Variants in USP6NL observed in about 807,000 individuals in gnomAD.
USP6NL encodes USP6 N-terminal like.
A neutral mutation model predicts 61.9 loss-of-function variants in USP6NL; 26 were observed. The ratio of observed to expected loss-of-function variants is 0.42; its 90% CI spans 0.31 to 0.58. USP6NL has a LOEUF of 0.58. USP6NL is among the 20% of genes least tolerant of loss of function. The pLI, the probability that USP6NL is intolerant of heterozygous loss-of-function variation, is 0.16. For synonymous variants in USP6NL, 432 were observed against 390.1 expected (o/e 1.11, Z -1.27); for missense variants, 1,114 against 1,034.3 (o/e 1.08, Z -1.06).
intron 2 of USP6NL, chr10:11,573,412 G>T (rs1213063029): frequency 2.6e-6 from 1 of 377,864 alleles, no homozygotes; most frequent in Non-Finnish European, 4.7e-6. Context: ...CCTAATTTTT[G>T]TTCAAAAACA....
At position 11,485,162 on chromosome 10, in the gene USP6NL, T is replaced by C; in HGVS notation, c.825+7A>G. 1.3e-6 allele frequency: 2 copies of C among 1,541,534 alleles called. No individual in the cohort carries two copies. Among genetic ancestry groups the C allele is most frequent in the South Asian group, 2.5e-5 (2 of 80,362 alleles). ...TTTATGACTGAGTTTTGTAAATAAA[T>C]ACTTACACGATCAAGGAAACACTGA... is the stretch of plus-strand genomic sequence containing the variant. On this transcript the variant is annotated splice_region_variant and intron_variant, in intron 12 of 14. Coordinates refer to ENST00000609104, the MANE Select transcript of USP6NL (RefSeq NM_014688.5). The surrounding 1 kb of genome is among the most constrained non-coding windows in gnomAD (Gnocchi z 4.8).
At position 11,463,039 on chromosome 10, in the gene USP6NL, G is replaced by A. The variant is rs753637873; in HGVS notation, c.1889C>T (p.Pro630Leu). The part of the protein sequence containing the change: ...DGEARGLAHP[P>L]SYSNPPVYHG... ...GTAAACGGGGGGATTGCTGTAGGAG[G>A]GGGGATGAGCTAGCCCTCGGGCTTC... The change falls in exon 15 of 15, where the codon CCC becomes CTC. Residue 630 changes from proline (P) to leucine (L), a missense_variant. By Grantham distance (98) the Pro-to-Leu change is moderately conservative (BLOSUM62 -3). Transcript: ENST00000609104. This position sits in a 1 kb window ranked among gnomAD's most constrained non-coding sequence, Gnocchi z 6.3. The A allele has an allele frequency of 1.4e-5, 22 of 1,613,852 alleles. No individual in the cohort carries two copies. Among genetic ancestry groups the A allele is most frequent in the East Asian group, 2.2e-5 (1 of 44,900 alleles).
intron 2 of USP6NL, among the ~76,000 whole-genome samples, chr10:11,560,523 A>ACC (rs1328718645): frequency 1.3e-5 from 2 of 151,498 alleles, no homozygotes; most frequent in Non-Finnish European, 2.9e-5. Flanking sequence ...AAAACATGCT[A>ACC]CCCCCCTCCT....
chr10:11,522,289 T>C (rs756966375), intron 4 of USP6NL, among the ~76,000 whole-genome samples: 3 of 152,244 alleles, frequency 2.0e-5, no homozygotes, highest in Non-Finnish European at 4.4e-5. Context: ...ACATTGACAC[T>C]TAAAACCCAA....
chr10:11,597,595 T>C lies in USP6NL; in HGVS notation c.4+36A>G, dbSNP rs1838370863. 6.5e-7 allele frequency: 1 copy of C among 1,549,226 alleles called. No homozygotes were observed. Reference sequence around the variant, plus strand: ...CTAAGCACAATACAGCAAACGCTCCTGAGATGGCTGGAAGGAAAGGAAGCA... The same window carrying C: ...CTAAGCACAATACAGCAAACGCTCCCGAGATGGCTGGAAGGAAAGGAAGCA... On this transcript the variant is annotated intron_variant, in intron 2 of 14. Transcript: ENST00000609104. The surrounding 1 kb of genome is among the most constrained non-coding windows in gnomAD (Gnocchi z 4.6).
rs1432526433 is a variant in USP6NL at position 11,511,179 on chromosome 10, T to C, written c.196-1504A>G. On this transcript the variant is annotated intron_variant, in intron 5 of 14. Coordinates refer to ENST00000609104, the MANE Select transcript of USP6NL (RefSeq NM_014688.5). The surrounding 1 kb of genome is among the most constrained non-coding windows in gnomAD (Gnocchi z 4.9). ...AAAACTCTCAATTACCTAACTCTTTTTAAAATTTTTGATGGGTTTCTCACA... is the reference window on the plus strand; with the variant it reads ...AAAACTCTCAATTACCTAACTCTTTCTAAAATTTTTGATGGGTTTCTCACA... 2.6e-5 allele frequency among the ~76,000 whole-genome samples: 4 copies of C among 152,236 alleles called. No individual in the cohort carries two copies. The South Asian group carries it at 6.2e-4, about 24-fold the overall frequency.
At chr10:11,543,803 G>GTTTTTA (rs1836161908) in intron 2 of USP6NL, among the ~76,000 whole-genome samples, 1 of 76,362 alleles carries the variant, frequency 1.3e-5, no homozygotes, top group South Asian at 6.4e-4. Context: ...AAATATTTAG[G>GTTTTTA]TTTTTTTTTT....
At position 11,481,507 on chromosome 10, in the gene USP6NL, C is replaced by CAGTATTTGCCAACCAAACTTCTA. The variant is rs1833198896; in HGVS notation, c.1078+240_1078+262dup. ...CACCATGGCTACTTCTGTTGAACAA[C>CAGTATTTGCCAACCAAACTTCTA]AGTATTTGCCAACCAAACTTCTAAA... On this transcript the variant is annotated intron_variant, in intron 14 of 14. Coordinates refer to ENST00000609104, the MANE Select transcript of USP6NL (RefSeq NM_014688.5). The surrounding 1 kb of genome is among the most constrained non-coding windows in gnomAD (Gnocchi z 4.4). Among the ~76,000 whole-genome samples, 1 of 152,184 alleles carries CAGTATTTGCCAACCAAACTTCTA rather than the reference C, an allele frequency of 6.6e-6. No homozygotes were observed. The highest frequency in any genetic ancestry group is 2.4e-5 in the African/African-American group (1 of 41,454).
rs532786099 is a variant in USP6NL at position 11,462,899 on chromosome 10, C to T, written c.2029G>A (p.Val677Ile). Residue 677 changes from valine to isoleucine, a missense_variant, in exon 15 of 15, where the codon GTC becomes ATC. Coordinates refer to ENST00000609104, the MANE Select transcript of USP6NL (RefSeq NM_014688.5). ...TAAGATTTCTCCGGAGAAGCACTGACGGAAAGAGTAGAACCATGAGGTCTC... is the reference window on the plus strand; with the variant it reads ...TAAGATTTCTCCGGAGAAGCACTGATGGAAAGAGTAGAACCATGAGGTCTC... ...SRRPHGSTLSVSASPEKSYSR... is the reference protein window; with the variant it reads ...SRRPHGSTLSISASPEKSYSR... 11 of 1,613,498 alleles carry T rather than the reference C, an allele frequency of 6.8e-6. No individual in the cohort carries two copies. In the South Asian group the frequency reaches 7.7e-5, roughly 11 times the overall value.
intron 5 of USP6NL, among the ~76,000 whole-genome samples, chr10:11,515,393 T>C (rs1834910683): frequency 6.6e-6 from 1 of 152,232 alleles, no homozygotes; most frequent in Non-Finnish European, 1.5e-5. Flanking sequence ...TATTTGAACA[T>C]TACTGCGTAT....
At position 11,592,634 on chromosome 10, in the gene USP6NL, C is replaced by A. The variant is rs1418742750; in HGVS notation, c.4+4997G>T. ...ACATGCTGGCATTTCAAAGACAATT[C>A]AACTTAAATTTTCTTTTAACTTCTA... On this transcript the variant is annotated intron_variant, in intron 2 of 14. Transcript: ENST00000609104. The surrounding 1 kb of genome is among the most constrained non-coding windows in gnomAD (Gnocchi z 4.7). Among the ~76,000 whole-genome samples, 1 of 152,146 alleles carries A rather than the reference C, an allele frequency of 6.6e-6. No homozygotes were observed. The highest frequency in any genetic ancestry group is 1.5e-5 in the Non-Finnish European group (1 of 68,024).
rs1835683096 is a variant in USP6NL, at chr10:11,532,068, A to G, written c.5-4501T>C. 3.9e-6 allele frequency: 3 copies of G among 773,634 alleles called. No individual in the cohort carries two copies. Among genetic ancestry groups the G allele is most frequent in the Middle Eastern group, 2.5e-4 (1 of 3,998 alleles). 47.9% of individuals were successfully genotyped at this position (773,634 alleles called of 1,614,324 possible). A position where few individuals can be genotyped will look rare whatever the true frequency, so the allele number is the denominator to read the frequency against. ...AATGAAAAATTCATACAAAGTTACT[A>G]AGGTTCATTTCCAATAAAATAAAAT... On this transcript the variant is annotated intron_variant, in intron 2 of 14. Transcript: ENST00000609104. This position sits in a 1 kb window ranked among gnomAD's most constrained non-coding sequence, Gnocchi z 4.1.
At chr10:11,545,165 C>A (rs1836228431) in intron 2 of USP6NL, among the ~76,000 whole-genome samples, 1 of 152,050 alleles carries the variant, frequency 6.6e-6, no homozygotes, top group African/African-American at 2.4e-5. Flanking sequence ...CCAAAAAAAT[C>A]CCTCCTAAGG....
intron 4 of USP6NL, among the ~76,000 whole-genome samples, chr10:11,524,719 T>C (rs1032192341): frequency 6.6e-6 from 1 of 152,206 alleles, no homozygotes; most frequent in Non-Finnish European, 1.5e-5. Context: ...CACAGTTGAA[T>C]GAAAATTTAG....
intron 1 of USP6NL, among the ~76,000 whole-genome samples, chr10:11,607,742 T>A (rs1838756628): frequency 6.6e-6 from 1 of 152,196 alleles, no homozygotes; most frequent in Non-Finnish European, 1.5e-5. Flanking sequence ...TACATAACAT[T>A]ACTAACAGCA....
At chr10:11,544,551 G>C (rs536643395) in intron 2 of USP6NL, among the ~76,000 whole-genome samples, 2 of 151,614 alleles carry the variant, frequency 1.3e-5, no homozygotes, top group Non-Finnish European at 2.9e-5. Flanking sequence ...GCAGTTGCAC[G>C]ATCTCGGCTC....
chr10:11,536,896 A>G (rs1835856857), intron 2 of USP6NL, among the ~76,000 whole-genome samples: 1 of 152,166 alleles, frequency 6.6e-6, no homozygotes, highest in Non-Finnish European at 1.5e-5. Flanking sequence ...TCTTATGTTT[A>G]CTTGGGAACA....
chr10:11,479,903 G>A (rs1378183227), intron 14 of USP6NL, among the ~76,000 whole-genome samples: 1 of 152,106 alleles, frequency 6.6e-6, no homozygotes, highest in Non-Finnish European at 1.5e-5. Flanking sequence ...GGACAGATGT[G>A]ACATGGAATT....
In USP6NL at chr10:11,537,716, G is replaced by C. The variant is rs1362243195; in HGVS notation, c.5-10149C>G. ...GCTGGGGAGGATGCAGCAAAGCTCT[G>C]CTAGCTTGGCCTCCCCTTTCCCTAT... is the stretch of plus-strand genomic sequence containing the variant. On this transcript the variant is annotated intron_variant, in intron 2 of 14. Coordinates refer to ENST00000609104, the MANE Select transcript of USP6NL (RefSeq NM_014688.5). The surrounding 1 kb of genome is among the most constrained non-coding windows in gnomAD (Gnocchi z 5.1). Among the ~76,000 whole-genome samples, 2 of 152,206 alleles carry C rather than the reference G, an allele frequency of 1.3e-5. No individual in the cohort carries two copies. Among genetic ancestry groups the C allele is most frequent in the African/African-American group, 4.8e-5 (2 of 41,452 alleles).
Sources: allele counts gnomAD v4.1 joint callset (sites outside exome capture counted in the v4.1 genomes callset), GRCh38; gene constraint gnomAD v4.1.1; non-coding constraint Gnocchi (gnomAD v3.1); transcripts MANE v1.5; gene names NCBI Gene and HGNC (gene_info 2026-07-23, HGNC 2026-07-21).